The following EIF4ENIF1 variants were observed in gnomAD, a reference collection of about 807,000 sequenced individuals.
EIF4ENIF1 encodes eukaryotic translation initiation factor 4E transporter.
In EIF4ENIF1, 23 loss-of-function variants were observed where a neutral mutation model predicts 110.5. That is an observed-to-expected ratio of 0.21 (90% CI 0.15 to 0.29). The LOEUF is 0.29. Among genes scored for constraint, EIF4ENIF1 ranks in the 10% least tolerant of loss-of-function variants. EIF4ENIF1 has a pLI of 1.00. For synonymous variants in EIF4ENIF1, 440 were observed against 437.0 expected, an observed-to-expected ratio of 1.01 and a Z score of -0.09; for missense variants, 1,031 against 1,221.1, an observed-to-expected ratio of 0.84 and a Z score of 2.32.
At chr22:31,467,947 G>A (rs1046069378) in intron 4 of EIF4ENIF1, among the ~76,000 whole-genome samples, 8 of 152,106 alleles carry the variant, frequency 5.3e-5, no homozygotes, top group East Asian at 1.9e-4. Context: ...AAAGATAATC[G>A]GTACTTTTAA....
chr22:31,475,373 A>G (rs1315713598), intron 2 of EIF4ENIF1, among the ~76,000 whole-genome samples: 1 of 152,148 alleles, frequency 6.6e-6, no homozygotes, highest in Non-Finnish European at 1.5e-5. Context: ...GGGAGGCTGA[A>G]GCGGGAAGAC....
rs2051718990 is a variant in EIF4ENIF1, at chr22:31,479,297, G to A, written c.97-7380C>T. On this transcript the variant is annotated intron_variant, in intron 2 of 18. Coordinates refer to ENST00000330125, the MANE Select transcript of EIF4ENIF1 (RefSeq NM_019843.4). ...TGTTGGCCAGGCTGCCTGAGCTCAG[G>A]TAATCCGTTTGCCTCGGCCTCCCAA... 1.3e-5 allele frequency: 2 copies of A among 152,056 alleles called. 1 individual carries two copies. Among genetic ancestry groups the A allele is most frequent in the South Asian group, 4.1e-4 (2 of 4,834 alleles). 9.4% of individuals were successfully genotyped at this position (152,056 alleles called of 1,614,324 possible). A position where few individuals can be genotyped will look rare whatever the true frequency, so the allele number is the denominator to read the frequency against.
At position 31,464,675 on chromosome 22, in the gene EIF4ENIF1, C is replaced by CAAA. The variant is rs770904708; in HGVS notation, c.299-711_299-709dup. 2.0e-3 allele frequency among the ~76,000 whole-genome samples: 62 copies of CAAA among 30,878 alleles called. 5 individuals carry two copies. Among genetic ancestry groups the CAAA allele is most frequent in the African/African-American group, 8.8e-3 (25 of 2,848 alleles). 20.3% of individuals were successfully genotyped at this position (30,878 alleles called of 152,430 possible). ...TGGGCAAAAGACTAAGATTCAGTCT[C>CAAA]AAAAAAAAAAAAAAAAAAAAAAAAA... On this transcript the variant is annotated intron_variant, in intron 4 of 18. Transcript: ENST00000330125.
At chr22:31,444,918 C>T (rs1347603239) in intron 14 of EIF4ENIF1, among the ~76,000 whole-genome samples, 3 of 152,060 alleles carry the variant, frequency 2.0e-5, no homozygotes, top group Admixed American at 6.6e-5. Flanking sequence ...CTCAGTCTAG[C>T]GGGGGAGACA....
At chr22:31,469,699 T>A (rs2051298821) in intron 3 of EIF4ENIF1, among the ~76,000 whole-genome samples, 1 of 152,184 alleles carries the variant, frequency 6.6e-6, no homozygotes, top group Non-Finnish European at 1.5e-5. Flanking sequence ...ATAACTTTTT[T>A]ATTTTTTTCA....
intron 10 of EIF4ENIF1, among the ~76,000 whole-genome samples, chr22:31,451,660 GTTA>G (rs2050680047): frequency 6.6e-6 from 1 of 150,634 alleles, no homozygotes; most frequent in Non-Finnish European, 1.5e-5. Context: ...AGCAGTAGTG[GTTA>G]CTTTTTTTTT....
Position 31,471,916 on chromosome 22 carries a change from T to C in EIF4ENIF1, c.98A>G (p.Glu33Gly). ...ASKCPHRYTK[E>G]ELLDIKELPH... ...GAGTTCTTTTATATCCAAGAGTTCT[T>C]CCTAAAAAGAGAAGTCAAATAGTCA... The change falls in exon 3 of 19, where the codon GAA (glutamate) becomes GGA (glycine). Residue 33 changes from glutamate (E) to glycine (G), a missense_variant and splice_region_variant. Around this residue, in one of 3 missense-constraint regions of EIF4ENIF1, gnomAD observed 704 missense variants for 879.7 expected, o/e 0.80. Coordinates refer to ENST00000330125, the MANE Select transcript of EIF4ENIF1 (RefSeq NM_019843.4). 6.3e-7 allele frequency: 1 copy of C among 1,595,720 alleles called. No homozygotes were observed.
At chr22:31,446,180 G>A (rs753127159) in intron 14 of EIF4ENIF1, among the ~76,000 whole-genome samples, 1 of 150,452 alleles carries the variant, frequency 6.6e-6, no homozygotes, top group Non-Finnish European at 1.5e-5. Flanking sequence ...AGCTACTCGG[G>A]AGGCTGAGGC....
rs756468678 is a variant in EIF4ENIF1 at position 31,440,129 on chromosome 22, G to T, written c.2717-8C>A. The T allele has an allele frequency of 5.6e-6, 9 of 1,614,024 alleles. No homozygotes were observed. The Admixed American group carries it at 1.5e-4, about 27-fold the overall frequency. ...AGCCTGGAGGATGCAGAACTGTGGA[G>T]ATAAGAAGGGTTATCATTCACAGCA... On this transcript the variant is annotated splice_polypyrimidine_tract_variant and splice_region_variant and intron_variant, in intron 18 of 18. Transcript: ENST00000330125.
chr22:31,463,597 G>T, intron 5 of EIF4ENIF1, 84 bp downstream of exon 5: 1 of 1,332,284 alleles, frequency 7.5e-7, no homozygotes, highest in Non-Finnish European at 1.0e-6. Context: ...AGTGAGTCAA[G>T]ATCGTGCCAT....
chr22:31,478,966 A>AC (rs889235116), intron 2 of EIF4ENIF1, among the ~76,000 whole-genome samples: 5 of 151,578 alleles, frequency 3.3e-5, no homozygotes, highest in African/African-American at 1.2e-4. Context: ...AAAAAAAAAA[A>AC]AAGTTTGCTC....
intron 2 of EIF4ENIF1, among the ~76,000 whole-genome samples, chr22:31,488,395 C>T (rs1414039764): frequency 2.6e-5 from 4 of 152,158 alleles, no homozygotes; most frequent in African/African-American, 9.7e-5. Context: ...AAATCTAAGC[C>T]TACATTCCCT....
At position 31,440,100 on chromosome 22, in the gene EIF4ENIF1, C is replaced by G. The variant is rs373487236; in HGVS notation, c.2738G>C (p.Gly913Ala). The part of the protein sequence containing the change: ...QRSVLHPPGS[G>A]SHAAAVSVQT... ...AACGCTGACAGCTGCTGCATGGGAACCAGAGCCTGGAGGATGCAGAACTGT... is the reference window on the plus strand; with the variant it reads ...AACGCTGACAGCTGCTGCATGGGAAGCAGAGCCTGGAGGATGCAGAACTGT... The change falls in exon 19 of 19, where the codon GGT becomes GCT. Residue 913 changes from glycine (G) to alanine (A), a missense_variant. By Grantham distance (60) the Gly-to-Ala change is moderately conservative. Around this residue, in one of 3 missense-constraint regions of EIF4ENIF1, gnomAD observed 309 missense variants for 299.1 expected, o/e 1.03. Transcript: ENST00000330125. The G allele has an allele frequency of 6.2e-5, 100 of 1,613,988 alleles. No individual in the cohort carries two copies. The highest frequency in any genetic ancestry group is 3.3e-4 in the Middle Eastern group (2 of 6,082).
chr22:31,450,677 G>C, intron 10 of EIF4ENIF1: 1 of 311,468 alleles, frequency 3.2e-6, no homozygotes. Context: ...ACTTACTTGA[G>C]ATAACTCTTG....
chr22:31,448,249 T>A lies in EIF4ENIF1; in HGVS notation c.1769-17A>T. 6.2e-7 allele frequency: 1 copy of A among 1,613,474 alleles called. No individual in the cohort carries two copies. The highest frequency in any genetic ancestry group is 8.5e-7 in the Non-Finnish European group (1 of 1,179,410). ...GTGTGAAACCTGTCGGGAAAGTTAG[T>A]CTCAGTGAGTACCAAGATGGTATGT... On this transcript the variant is annotated splice_polypyrimidine_tract_variant and intron_variant, in intron 12 of 18. Coordinates refer to ENST00000330125, the MANE Select transcript of EIF4ENIF1 (RefSeq NM_019843.4).
rs138223498 is a variant in EIF4ENIF1, at chr22:31,477,076, T to C, written c.97-5159A>G. On this transcript the variant is annotated intron_variant, in intron 2 of 18. Transcript: ENST00000330125. ...AGATCCAGGCCGCAATGAGCTGTAA[T>C]TGTACCACCGCGCTCTAGCCCGAGT... Among the ~76,000 whole-genome samples, 78 of 150,380 alleles carry C rather than the reference T, an allele frequency of 5.2e-4. 1 individual carries two copies. The highest frequency in any genetic ancestry group is 3.5e-3 in the Middle Eastern group (1 of 288).
chr22:31,447,491 T>G lies in EIF4ENIF1; in HGVS notation c.1923A>C (p.Ala641=). ...ALPHDLAVQA[A]NFYQPGFGKP... is the part of the protein sequence containing the mutation. Reference sequence around the variant, plus strand: ...TGCCAAAACCAGGCTGGTAGAAGTTTGCTGCCTGTACAGCAAGGTCATGTG... The same window carrying G: ...TGCCAAAACCAGGCTGGTAGAAGTTGGCTGCCTGTACAGCAAGGTCATGTG... Residue 641 remains alanine, a synonymous_variant, in exon 14 of 19, where the codon GCA becomes GCC. Transcript: ENST00000330125. 6.2e-7 allele frequency: 1 copy of G among 1,613,266 alleles called. No homozygotes were observed.
intron 7 of EIF4ENIF1, among the ~76,000 whole-genome samples, chr22:31,456,490 T>TG (rs1455894657): frequency 5.9e-5 from 9 of 152,180 alleles, no homozygotes; most frequent in Non-Finnish European, 8.8e-5. Context: ...CCCAAAGTGC[T>TG]GGGATTACAA....
At chr22:31,446,780 T>C (rs1334557559) in intron 14 of EIF4ENIF1, among the ~76,000 whole-genome samples, 1 of 152,204 alleles carries the variant, frequency 6.6e-6, no homozygotes, top group Non-Finnish European at 1.5e-5. Flanking sequence ...TTGTTTTATA[T>C]AGTTTTGTCT....
Sources: allele counts gnomAD v4.1 joint callset (sites outside exome capture counted in the v4.1 genomes callset), GRCh38; gene constraint gnomAD v4.1.1; regional missense constraint gnomAD v4.1.1; transcripts MANE v1.5; gene names NCBI Gene and HGNC (gene_info 2026-07-23, HGNC 2026-07-21).